The following SLC24A2 variants were observed in gnomAD, a reference collection of about 807,000 sequenced individuals.
SLC24A2 encodes solute carrier family 24 member 2, also known as sodium/potassium/calcium exchanger 2.
Under a neutral mutation model 62.0 loss-of-function variants are expected in SLC24A2, and 36 were observed. The observed-to-expected ratio is 0.58, with a 90% CI of 0.44 to 0.77. SLC24A2 has a LOEUF of 0.77. Ranked by LOEUF, SLC24A2 falls within the 30% of genes least tolerant of loss-of-function variation. The probability of loss-of-function intolerance (pLI) is 0.00; values close to 1 mark genes in which losing one functional copy is unlikely to be tolerated. For missense variants in SLC24A2, 846 were observed against 817.9 expected, an observed-to-expected ratio of 1.03 and a Z score of -0.42; for synonymous variants, 358 against 294.0, an observed-to-expected ratio of 1.22 and a Z score of -2.23.
At chr9:19,635,379 T>C (rs1427445510) in intron 2 of SLC24A2, among the ~76,000 whole-genome samples, 1 of 152,230 alleles carries the variant, frequency 6.6e-6, no homozygotes. Context: ...GGTGGGCATT[T>C]TGTTTTGTAG....
chr9:20,175,975 T>C, the SLC24A2 span, among the ~76,000 whole-genome samples: 2 of 151,902 alleles, frequency 1.3e-5, no homozygotes, highest in South Asian at 4.2e-4. Context: ...TGAGCTGAGC[T>C]AGGAAGGATG....
the SLC24A2 span, among the ~76,000 whole-genome samples, chr9:20,107,199 A>G: frequency 6.6e-6 from 1 of 152,234 alleles, no homozygotes; most frequent in Non-Finnish European, 1.5e-5. Flanking sequence ...AAAAGAGGAT[A>G]CAAAGAAATG....
intron 2 of SLC24A2, among the ~76,000 whole-genome samples, chr9:19,662,518 G>A (rs562468533): frequency 5.3e-4 from 81 of 152,208 alleles, no homozygotes; most frequent in African/African-American, 1.9e-3. Flanking sequence ...CACCATGCCC[G>A]GTGTTAGTTA....
chr9:20,109,122 A>C, the SLC24A2 span, among the ~76,000 whole-genome samples: 2 of 152,144 alleles, frequency 1.3e-5, no homozygotes, highest in Non-Finnish European at 1.5e-5. Flanking sequence ...CATACAGCCT[A>C]GGTGTGTAAT....
the SLC24A2 span, among the ~76,000 whole-genome samples, chr9:20,204,077 C>T: frequency 6.6e-6 from 1 of 152,058 alleles, no homozygotes; most frequent in South Asian, 2.1e-4. Flanking sequence ...AGATAAAGGA[C>T]TAAATATGTT....
At chr9:20,020,864 G>T in the SLC24A2 span, among the ~76,000 whole-genome samples, 2 of 152,068 alleles carry the variant, frequency 1.3e-5, no homozygotes, top group East Asian at 1.9e-4. Flanking sequence ...GGAAAACTTG[G>T]AAATCAAAGG....
At chr9:19,998,896 G>C in the SLC24A2 span, among the ~76,000 whole-genome samples, 1 of 152,190 alleles carries the variant, frequency 6.6e-6, no homozygotes, top group Non-Finnish European at 1.5e-5. Flanking sequence ...GGGGACCTCA[G>C]CCATCCTATT....
the SLC24A2 span, among the ~76,000 whole-genome samples, chr9:20,110,204 A>G: frequency 1.3e-5 from 2 of 152,084 alleles, no homozygotes; most frequent in African/African-American, 4.8e-5. Flanking sequence ...TTTGTAAACC[A>G]TTTAAACCCT....
At chr9:20,088,183 G>T in the SLC24A2 span, among the ~76,000 whole-genome samples, 1 of 152,250 alleles carries the variant, frequency 6.6e-6, no homozygotes, top group African/African-American at 2.4e-5. Context: ...GAATCCAGGG[G>T]CTGAGCAGCC....
At chr9:20,162,923 T>C in the SLC24A2 span, among the ~76,000 whole-genome samples, 1 of 152,058 alleles carries the variant, frequency 6.6e-6, no homozygotes, top group Non-Finnish European at 1.5e-5. Context: ...TTTGATAAAA[T>C]TTAACAACTC....
chr9:19,951,669 G>T, the SLC24A2 span, among the ~76,000 whole-genome samples: 2 of 152,058 alleles, frequency 1.3e-5, no homozygotes, highest in Non-Finnish European at 2.9e-5. Context: ...ATTTATGTCT[G>T]AAGTCTATTC....
intron 6 of SLC24A2, 34 bp downstream of exon 6, chr9:19,576,890 G>A (rs1398649541): frequency 6.6e-7 from 1 of 1,523,994 alleles, no homozygotes; most frequent in East Asian, 2.3e-5. Flanking sequence ...CTTCCCCCAG[G>A]AAAGGTATGG....
At chr9:19,761,323 TG>T (rs1180390074) in intron 2 of SLC24A2, among the ~76,000 whole-genome samples, 1 of 152,194 alleles carries the variant, frequency 6.6e-6, no homozygotes, top group Non-Finnish European at 1.5e-5. Context: ...TAGCATCTGT[TG>T]TTTCCTGACT....
intron 1 of SLC24A2, among the ~76,000 whole-genome samples, chr9:19,787,358 T>C (rs1823206383): frequency 6.6e-6 from 1 of 152,216 alleles, no homozygotes; most frequent in African/African-American, 2.4e-5. Flanking sequence ...TGAAAATCTA[T>C]CAGATTATCT....
chr9:20,104,077 T>C, the SLC24A2 span, among the ~76,000 whole-genome samples: 3 of 152,122 alleles, frequency 2.0e-5, no homozygotes, highest in African/African-American at 7.2e-5. Context: ...GCCGATGCGA[T>C]CAACTGGAAG....
chr9:20,126,299 T>C, the SLC24A2 span, among the ~76,000 whole-genome samples: 1 of 152,304 alleles, frequency 6.6e-6, no homozygotes, highest in African/African-American at 2.4e-5. Context: ...ATGTTCATAG[T>C]TCTTCTATGA....
At chr9:19,850,968 TATATATATATATATATG>T in the SLC24A2 span, among the ~76,000 whole-genome samples, 1 of 13,354 alleles carries the variant, frequency 7.5e-5, no homozygotes, top group Non-Finnish European at 3.2e-4. Flanking sequence ...TATATATATG[TATATATATATATATATG>T]TATATATATA....
At chr9:19,850,035 T>G in the SLC24A2 span, among the ~76,000 whole-genome samples, 3 of 151,368 alleles carry the variant, frequency 2.0e-5, no homozygotes, top group South Asian at 4.2e-4. Flanking sequence ...TTTTTTTTTT[T>G]GTAGGATGAA....
chr9:20,124,640 C>T, the SLC24A2 span, among the ~76,000 whole-genome samples: 2 of 152,186 alleles, frequency 1.3e-5, no homozygotes, highest in Non-Finnish European at 2.9e-5. Context: ...ACCCACTTCT[C>T]ATGTGTTATG....
Sources: allele counts gnomAD v4.1 joint callset (sites outside exome capture counted in the v4.1 genomes callset), GRCh38; gene constraint gnomAD v4.1.1; transcripts MANE v1.5; gene names NCBI Gene and HGNC (gene_info 2026-07-23, HGNC 2026-07-21).